CAPS2: variants seen among roughly 807,000 people sequenced by gnomAD.
CAPS2 encodes the protein calcyphosine 2, also known as calcyphosin-2.
A neutral mutation model predicts 86.5 loss-of-function variants in CAPS2; 98 were observed. The observed-to-expected ratio is 1.13, with a 90% CI of 0.96 to 1.34. CAPS2 has a LOEUF of 1.34. Ranked by LOEUF, CAPS2 falls within the 40% of genes most tolerant of loss-of-function variation. CAPS2 has a pLI of 0.00. For missense variants in CAPS2, 729 were observed against 686.8 expected (o/e 1.06, Z -0.69); for synonymous variants, 210 against 225.1 (o/e 0.93, Z 0.60).
chr12:75,344,833 T>A (rs1462843731), intron 1 of CAPS2, among the ~76,000 whole-genome samples: 1 of 152,124 alleles, frequency 6.6e-6, no homozygotes, highest in African/African-American at 2.4e-5. Flanking sequence ...AGAATAAAAG[T>A]AGCGTTTAGT....
chr12:75,381,429 G>A (rs1273387488), intron 1 of CAPS2, among the ~76,000 whole-genome samples: 2 of 151,616 alleles, frequency 1.3e-5, no homozygotes, highest in African/African-American at 2.4e-5. Context: ...AGTTCCAGAG[G>A]TCCAAATTCC....
intron 13 of CAPS2, among the ~76,000 whole-genome samples, chr12:75,291,265 C>T (rs1160156991): frequency 2.6e-5 from 4 of 151,348 alleles, no homozygotes; most frequent in Non-Finnish European, 5.9e-5. Flanking sequence ...TTTTCTTTTA[C>T]ACTAGGACAC....
intron 8 of CAPS2, among the ~76,000 whole-genome samples, chr12:75,301,739 C>T (rs952704481): frequency 6.6e-6 from 1 of 152,142 alleles, no homozygotes; most frequent in Non-Finnish European, 1.5e-5. Flanking sequence ...ACAGAACTCA[C>T]TTTAACAGTG....
chr12:75,365,768 T>G (rs2043923955), intron 1 of CAPS2, among the ~76,000 whole-genome samples: 1 of 152,126 alleles, frequency 6.6e-6, no homozygotes, highest in Non-Finnish European at 1.5e-5. Flanking sequence ...TAACCATTTT[T>G]ATACCCTATG....
At chr12:75,301,609 A>G (rs1355805856) in intron 8 of CAPS2, among the ~76,000 whole-genome samples, 1 of 152,216 alleles carries the variant, frequency 6.6e-6, no homozygotes, top group African/African-American at 2.4e-5. Context: ...CATTTTTCAA[A>G]TAAATTTTAC....
At chr12:75,367,286 A>T (rs1397129608) in intron 1 of CAPS2, among the ~76,000 whole-genome samples, 1 of 151,596 alleles carries the variant, frequency 6.6e-6, no homozygotes, top group African/African-American at 2.4e-5. Context: ...AAAAAAAAAA[A>T]AAAAGAACTT....
intron 13 of CAPS2, among the ~76,000 whole-genome samples, chr12:75,291,231 A>G (rs987690249): frequency 4.6e-5 from 7 of 151,824 alleles, no homozygotes; most frequent in Non-Finnish European, 8.8e-5. Flanking sequence ...TCCAAACATC[A>G]ATCTGGCTCC....
chr12:75,361,780 C>T (rs533447409), intron 1 of CAPS2, among the ~76,000 whole-genome samples: 1 of 152,212 alleles, frequency 6.6e-6, no homozygotes, highest in East Asian at 1.9e-4. Context: ...GAAACCACCC[C>T]CATAATCCAA....
At chr12:75,304,584 C>A (rs79692622) in intron 8 of CAPS2, among the ~76,000 whole-genome samples, 173 bp downstream of exon 8, 7 of 152,084 alleles carry the variant, frequency 4.6e-5, no homozygotes, top group African/African-American at 1.4e-4. Flanking sequence ...TAAGGTATTG[C>A]CCCTAATATC....
At chr12:75,375,937 G>A (rs1005739479) in intron 1 of CAPS2, among the ~76,000 whole-genome samples, 4 of 152,160 alleles carry the variant, frequency 2.6e-5, no homozygotes, top group South Asian at 2.1e-4. Context: ...ATACGGAGAG[G>A]AGCAATTGCA....
intron 5 of CAPS2, among the ~76,000 whole-genome samples, chr12:75,317,214 T>A (rs2039861568): frequency 6.6e-6 from 1 of 152,184 alleles, no homozygotes; most frequent in South Asian, 2.1e-4. Context: ...TATTGCTGTA[T>A]CGCTGGTGGC....
At chr12:75,362,423 T>A (rs2043658742) in intron 1 of CAPS2, among the ~76,000 whole-genome samples, 1 of 152,180 alleles carries the variant, frequency 6.6e-6, no homozygotes, top group Non-Finnish European at 1.5e-5. Flanking sequence ...TAATGATGTA[T>A]GTATGAATGC....
intron 7 of CAPS2, chr12:75,306,268 C>T (rs1303099132): frequency 3.2e-6 from 2 of 619,520 alleles, no homozygotes; most frequent in East Asian, 6.0e-5. Context: ...CCAGGCAGGC[C>T]TTCCGGATAC....
chr12:75,323,294 A>G lies in CAPS2; in HGVS notation c.132-72T>C. 5 of 1,240,676 alleles carry G rather than the reference A, an allele frequency of 4.0e-6. No homozygotes were observed. In the South Asian group the frequency reaches 7.1e-5, roughly 18 times the overall value. 76.9% of individuals were successfully genotyped at this position (1,240,676 alleles called of 1,614,324 possible). Reference sequence around the variant, plus strand: ...TTAATAAATGCAAATCTTATATGTTACATGTTTTATAAATAGGTACACTGA... The same window carrying G: ...TTAATAAATGCAAATCTTATATGTTGCATGTTTTATAAATAGGTACACTGA... On this transcript the variant is annotated intron_variant, in intron 2 of 16. Transcript: ENST00000393284.
chr12:75,375,683 T>C (rs1364042807), intron 1 of CAPS2, among the ~76,000 whole-genome samples: 4 of 152,218 alleles, frequency 2.6e-5, no homozygotes, highest in Non-Finnish European at 5.9e-5. Context: ...GTAACAATGC[T>C]GTAGGCTTCC....
intron 1 of CAPS2, among the ~76,000 whole-genome samples, chr12:75,344,802 T>C (rs2042342632): frequency 6.6e-6 from 1 of 152,140 alleles, no homozygotes; most frequent in Non-Finnish European, 1.5e-5. Flanking sequence ...TCTTTGTTCC[T>C]GCTTTTAAAA....
intron 1 of CAPS2, among the ~76,000 whole-genome samples, chr12:75,325,808 G>T (rs184252790): frequency 6.6e-6 from 1 of 151,530 alleles, no homozygotes; most frequent in Non-Finnish European, 1.5e-5. Context: ...CAGAGTGTGA[G>T]GGGGGGTAGG....
intron 1 of CAPS2, among the ~76,000 whole-genome samples, chr12:75,373,119 C>T (rs1205895906): frequency 6.6e-6 from 1 of 152,194 alleles, no homozygotes; most frequent in Non-Finnish European, 1.5e-5. Context: ...GCTGCTGACA[C>T]ATTGGGCACT....
chr12:75,277,121 C>G (rs771486478), downstream of CAPS2: 38 of 983,228 alleles, frequency 3.9e-5, no homozygotes, highest in Non-Finnish European at 4.6e-5. Flanking sequence ...CTACAAATAA[C>G]CACATGTGAA....
Sources: gnomAD v4.1 joint callset for allele counts (sites outside exome capture counted in the v4.1 genomes callset) on GRCh38, gnomAD v4.1.1 for gene constraint, MANE v1.5 for transcripts, NCBI Gene and HGNC (gene_info 2026-07-23, HGNC 2026-07-21) for gene names.